The following CAB39 variants were observed in gnomAD, a reference collection of about 807,000 sequenced individuals.
The protein encoded by CAB39 is calcium-binding protein 39.
Under a neutral mutation model 40.0 loss-of-function variants are expected in CAB39, and 8 were observed. The observed-to-expected ratio is 0.20, with a 90% CI of 0.12 to 0.36. CAB39 has a LOEUF of 0.36. CAB39 is among the 10% of genes least tolerant of loss of function. The pLI is 1.00. For missense variants in CAB39, 270 were observed against 401.1 expected (o/e 0.67, Z 2.79); for synonymous variants, 156 against 141.6 (o/e 1.10, Z -0.72).
At position 230,818,763 on chromosome 2, in the gene CAB39, T is replaced by G. The variant is rs1696450275; in HGVS notation, c.*59T>G. ...AGCATTTGCTGTTAGCTATTCAGCA[T>G]CAGGCACTCTTATTGATTCATGAGG... On this transcript the variant is annotated 3_prime_UTR_variant, in exon 9 of 9. Transcript: ENST00000258418. The G allele has an allele frequency of 7.7e-7, 1 of 1,305,170 alleles. No homozygotes were observed. Among genetic ancestry groups the G allele is most frequent in the African/African-American group, 1.5e-5 (1 of 68,242 alleles). The allele number at this position is 1,305,170 out of a possible 1,614,324, so 80.8% of individuals were successfully genotyped here.
At chr2:230,726,555 A>G (rs1386631411) in intron 1 of CAB39, among the ~76,000 whole-genome samples, 1 of 152,116 alleles carries the variant, frequency 6.6e-6, no homozygotes, top group Non-Finnish European at 1.5e-5. Flanking sequence ...CACATATGGC[A>G]CATTAGTCAC....
intron 7 of CAB39, 79 bp downstream of exon 7, chr2:230,814,193 A>T: frequency 1.4e-6 from 1 of 738,994 alleles, no homozygotes; most frequent in Non-Finnish European, 2.3e-6. Flanking sequence ...GGAGATGTGC[A>T]GGATGGGTCA....
rs562678370 is a variant in CAB39, at chr2:230,804,061, A to G, written c.567+5164A>G. The stretch of plus-strand genomic sequence containing the variant: ...GGTACCAAAACAGAGATATAGACCA[A>G]TGGAACAGAACAGAGGCCTCAGAAA... On this transcript the variant is annotated intron_variant, in intron 5 of 8. Transcript: ENST00000258418. Among the ~76,000 whole-genome samples the G allele has an allele frequency of 1.7e-4, 26 of 152,310 alleles. No homozygotes were observed. The South Asian group carries it at 5.0e-3, about 29-fold the overall frequency.
At chr2:230,788,065 CTAAG>C (rs1230458242) in intron 2 of CAB39, among the ~76,000 whole-genome samples, 3 of 152,188 alleles carry the variant, frequency 2.0e-5, no homozygotes, top group African/African-American at 4.8e-5. Context: ...ATATGATCCT[CTAAG>C]TACTGCTTAA....
At chr2:230,803,617 CAGAG>C (rs1158139924) in intron 5 of CAB39, among the ~76,000 whole-genome samples, 3 of 152,152 alleles carry the variant, frequency 2.0e-5, no homozygotes, top group African/African-American at 4.8e-5. Flanking sequence ...CAATAACAGA[CAGAG>C]AGCCAAATCA....
intron 1 of CAB39, among the ~76,000 whole-genome samples, chr2:230,728,162 T>C (rs914963850): frequency 6.6e-6 from 1 of 152,080 alleles, no homozygotes; most frequent in African/African-American, 2.4e-5. Context: ...TGCTTGAACC[T>C]GGGAAGTGGA....
intron 5 of CAB39, among the ~76,000 whole-genome samples, chr2:230,803,542 A>G (rs1575958045): frequency 6.6e-6 from 1 of 152,368 alleles, no homozygotes; most frequent in South Asian, 2.1e-4. Context: ...TAAGCTGATA[A>G]GCAACTTCAG....
chr2:230,748,403 T>C (rs1284401211), intron 1 of CAB39, among the ~76,000 whole-genome samples: 3 of 152,206 alleles, frequency 2.0e-5, no homozygotes, highest in African/African-American at 7.2e-5. Flanking sequence ...AATAGATTAG[T>C]GTTGTCCATG....
At chr2:230,763,650 A>G (rs1298787246) in intron 2 of CAB39, among the ~76,000 whole-genome samples, 1 of 152,144 alleles carries the variant, frequency 6.6e-6, no homozygotes, top group Non-Finnish European at 1.5e-5. Context: ...GTAATTAGAA[A>G]AAAGAGCAGT....
At chr2:230,798,228 G>T (rs1696025096) in intron 4 of CAB39, among the ~76,000 whole-genome samples, 3 of 152,186 alleles carry the variant, frequency 2.0e-5, no homozygotes, top group Admixed American at 2.0e-4. Flanking sequence ...TTTACATGTG[G>T]CTGAGAGTCT....
At chr2:230,718,587 A>G (rs1250229022) in intron 1 of CAB39, among the ~76,000 whole-genome samples, 1 of 152,124 alleles carries the variant, frequency 6.6e-6, no homozygotes, top group African/African-American at 2.4e-5. Flanking sequence ...AATTCCTTGG[A>G]TGGTAATAGT....
chr2:230,725,096 T>G (rs1694539305), intron 1 of CAB39: 1 of 1,601,254 alleles, frequency 6.2e-7, no homozygotes, highest in Non-Finnish European at 8.5e-7. Flanking sequence ...CCTACTCGGC[T>G]GCAAACTCTG....
intron 1 of CAB39, chr2:230,752,372 T>A (rs1429369109): frequency 6.6e-6 from 1 of 152,174 alleles, no homozygotes; most frequent in Non-Finnish European, 1.5e-5. Context: ...GGGTAATTTA[T>A]AAAAAACAAA....
intron 2 of CAB39, among the ~76,000 whole-genome samples, chr2:230,765,814 A>G (rs1225760879): frequency 6.6e-6 from 1 of 152,218 alleles, no homozygotes; most frequent in Non-Finnish European, 1.5e-5. Context: ...ACAAAGGGTT[A>G]TCTAGCCAAA....
At chr2:230,757,079 G>A (rs1192515002) in intron 1 of CAB39, among the ~76,000 whole-genome samples, 1 of 151,952 alleles carries the variant, frequency 6.6e-6, no homozygotes, top group East Asian at 1.9e-4. Context: ...GTCACTTCTT[G>A]TTTTGGGTAG....
At chr2:230,783,118 C>T (rs530021994) in intron 2 of CAB39, among the ~76,000 whole-genome samples, 4 of 152,186 alleles carry the variant, frequency 2.6e-5, no homozygotes, top group Middle Eastern at 3.4e-3. Flanking sequence ...TGAGCCACTG[C>T]GCCCGGCCCA....
chr2:230,777,997 G>T (rs527858304), intron 2 of CAB39, among the ~76,000 whole-genome samples: 1 of 152,116 alleles, frequency 6.6e-6, no homozygotes, highest in Non-Finnish European at 1.5e-5. Context: ...TACCAGTGGC[G>T]TATCTAAAAG....
At chr2:230,739,472 A>G (rs1446611137) in intron 1 of CAB39, among the ~76,000 whole-genome samples, 8 of 152,220 alleles carry the variant, frequency 5.3e-5, no homozygotes, top group Admixed American at 5.2e-4. Flanking sequence ...TAAATAAATA[A>G]TGCTTTGTAA....
At chr2:230,714,573 T>C (rs552760757) in intron 1 of CAB39, among the ~76,000 whole-genome samples, 119 of 152,382 alleles carry the variant, frequency 7.8e-4, no homozygotes, top group Non-Finnish European at 1.3e-3. Flanking sequence ...GCGTATGTAC[T>C]TTGGAATTAC....
Sources: gnomAD v4.1 joint callset for allele counts (sites outside exome capture counted in the v4.1 genomes callset) on GRCh38, gnomAD v4.1.1 for gene constraint, MANE v1.5 for transcripts, NCBI Gene and HGNC (gene_info 2026-07-23, HGNC 2026-07-21) for gene names.